UNC13B: variants seen among roughly 807,000 people sequenced by gnomAD.
The protein encoded by UNC13B is protein unc-13 homolog B.
Under a neutral mutation model 211.0 loss-of-function variants are expected in UNC13B, and 144 were observed. The ratio of observed to expected loss-of-function variants is 0.68; its 90% CI spans 0.60 to 0.78. The LOEUF (loss-of-function observed/expected upper bound fraction) is 0.78. Among genes scored for constraint, UNC13B ranks in the 30% least tolerant of loss-of-function variants. The probability of loss-of-function intolerance (pLI) is 0.00; values close to 1 mark genes in which losing one functional copy is unlikely to be tolerated. For synonymous variants in UNC13B, 709 were observed against 725.8 expected, an observed-to-expected ratio of 0.98 and a Z score of 0.37; for missense variants, 1,777 against 2,002.0, an observed-to-expected ratio of 0.89 and a Z score of 2.14.
At chr9:35,220,115 T>C (rs1824491402) in intron 1 of UNC13B, among the ~76,000 whole-genome samples, 1 of 152,032 alleles carries the variant, frequency 6.6e-6, no homozygotes, top group Non-Finnish European at 1.5e-5. Context: ...TATGAATATA[T>C]ATTTTTATTT....
Position 35,355,713 on chromosome 9 carries a change from C to A in UNC13B, c.9415-11234C>A, listed in dbSNP as rs1357660470. ...TATTCTTCAACATATATCACCTCTT[C>A]CAGGAAGCTTTCTGAGGCAGTAATT... is the stretch of plus-strand genomic sequence containing the variant. On this transcript the variant is annotated intron_variant, in intron 11 of 39. Coordinates refer to ENST00000635942, the MANE Select transcript of UNC13B (RefSeq NM_001371189.2). Among the ~76,000 whole-genome samples the A allele has an allele frequency of 2.0e-5, 3 of 152,228 alleles. No homozygotes were observed. The East Asian group carries it at 5.8e-4, about 29-fold the overall frequency.
At chr9:35,169,591 C>T (rs1056214544) in intron 1 of UNC13B, among the ~76,000 whole-genome samples, 1 of 152,168 alleles carries the variant, frequency 6.6e-6, no homozygotes, top group African/African-American at 2.4e-5. Flanking sequence ...CTCCTTTTTG[C>T]TGGGCTTCCA....
rs200386049 is a variant in UNC13B, at chr9:35,231,126, T to A, written c.59T>A (p.Phe20Tyr). ...ATTTTGTATTTTTTCAAAGATAAAT[T>A]TAACACATATGTGACCCTGAAAGTA... ...RAKFQGSPDKFNTYVTLKVQN... is the reference protein window; with the variant it reads ...RAKFQGSPDKYNTYVTLKVQN... The change falls in exon 3 of 40, where the codon TTT becomes TAT. Residue 20 changes from phenylalanine to tyrosine, a missense_variant. Physicochemically the swap from Phe to Tyr is conservative, Grantham distance 22. Transcript: ENST00000635942. 1.3e-3 allele frequency: 2,123 copies of A among 1,609,592 alleles called. 30 individuals carry two copies. In the South Asian group the frequency reaches 0.018, roughly 14 times the overall value.
chr9:35,235,640 C>T (rs900842675), intron 3 of UNC13B, among the ~76,000 whole-genome samples: 4 of 151,956 alleles, frequency 2.6e-5, no homozygotes, highest in Non-Finnish European at 5.9e-5. Flanking sequence ...GGTTTTGCAA[C>T]GTTGGCCAAG....
At chr9:35,290,807 G>T (rs1011307748) in intron 7 of UNC13B, among the ~76,000 whole-genome samples, 8 of 152,082 alleles carry the variant, frequency 5.3e-5, no homozygotes, top group Admixed American at 2.0e-4. Context: ...GTAATTTTTT[G>T]TTGTTGTTGT....
chr9:35,209,886 T>C (rs535232566), intron 1 of UNC13B, among the ~76,000 whole-genome samples: 1 of 152,276 alleles, frequency 6.6e-6, no homozygotes, highest in Non-Finnish European at 1.5e-5. Context: ...ATGTTTCCCT[T>C]CTAGTGGACT....
At chr9:35,401,958 T>A in intron 37 of UNC13B, 1 of 1,550,550 alleles carries the variant, frequency 6.4e-7, no homozygotes, top group Non-Finnish European at 8.7e-7. Context: ...CAGTGCATGA[T>A]GGGAAAGGTA....
intron 18 of UNC13B, 137 bp from the exon 19 acceptor site, chr9:35,380,963 C>A: frequency 1.3e-6 from 1 of 768,906 alleles, no homozygotes; most frequent in Non-Finnish European, 2.1e-6. Flanking sequence ...AGTGATTCAC[C>A]CTATTTGGTG....
At chr9:35,186,080 C>T (rs1822344860) in intron 1 of UNC13B, among the ~76,000 whole-genome samples, 1 of 152,096 alleles carries the variant, frequency 6.6e-6, no homozygotes, top group Admixed American at 6.6e-5. Flanking sequence ...CCTCATCATA[C>T]AGTGTTCCCT....
Position 35,306,871 on chromosome 9 carries a change from A to T in UNC13B, c.7467A>T (p.Pro2489=). ...GACTTTTCTCCTCTCCTAAATCTCC[A>T]AAGAAAAACTCCTTTTTCTCTCTTG... The part of the protein sequence containing the change: ...LSGLFSSPKS[P]KKNSFFSLAS... Residue 2489 remains proline, a synonymous_variant, in exon 9 of 40, where the codon CCA becomes CCT. Coordinates refer to ENST00000635942, the MANE Select transcript of UNC13B (RefSeq NM_001371189.2). 2.5e-6 allele frequency: 1 copy of T among 399,014 alleles called. No individual in the cohort carries two copies. The highest frequency in any genetic ancestry group is 4.4e-6 in the Non-Finnish European group (1 of 226,048). The allele number at this position is 399,014 out of a possible 1,614,324, so 24.7% of individuals were successfully genotyped here. A position where few individuals can be genotyped will look rare whatever the true frequency, so the allele number is the denominator to read the frequency against.
At chr9:35,369,211 A>G (rs1242335528) in intron 12 of UNC13B, among the ~76,000 whole-genome samples, 1 of 152,202 alleles carries the variant, frequency 6.6e-6, no homozygotes, top group African/African-American at 2.4e-5. Context: ...CTAGATAGCT[A>G]CAAGTACCTA....
intron 7 of UNC13B, among the ~76,000 whole-genome samples, chr9:35,281,270 G>A (rs531769841): frequency 1.3e-3 from 199 of 148,728 alleles, no homozygotes; most frequent in African/African-American, 4.7e-3. Context: ...AAAAAAATTA[G>A]CTGGGCATGG....
At chr9:35,358,693 T>A (rs1341891417) in intron 11 of UNC13B, among the ~76,000 whole-genome samples, 2 of 138,628 alleles carry the variant, frequency 1.4e-5, no homozygotes, top group African/African-American at 5.3e-5. Flanking sequence ...GTCTATGATT[T>A]TTTTTTTTTT....
chr9:35,294,047 T>A (rs1021600221), intron 7 of UNC13B, among the ~76,000 whole-genome samples: 5 of 151,174 alleles, frequency 3.3e-5, no homozygotes, highest in Admixed American at 6.6e-5. Flanking sequence ...TCCTTACCTA[T>A]AAAACCCACA....
chr9:35,183,891 C>A (rs1587317696), intron 1 of UNC13B, among the ~76,000 whole-genome samples: 1 of 144,234 alleles, frequency 6.9e-6, no homozygotes, highest in African/African-American at 2.6e-5. Flanking sequence ...GGGGTGGTGG[C>A]CGGGCAGAGA....
At chr9:35,170,752 A>G (rs1486936806) in intron 1 of UNC13B, among the ~76,000 whole-genome samples, 3 of 152,076 alleles carry the variant, frequency 2.0e-5, no homozygotes, top group African/African-American at 7.2e-5. Flanking sequence ...GATTATAGTC[A>G]TGAGCCACTG....
In UNC13B at chr9:35,375,703, A is replaced by G. The variant is rs148058638; in HGVS notation, c.9616-325A>G. ...GCAGAACCCAAAAGTCATGGGGACC[A>G]GGCATGTTGGCTTATGCCTGTAATC... On this transcript the variant is annotated intron_variant, in intron 14 of 39. Transcript: ENST00000635942. Among the ~76,000 whole-genome samples, 1,088 of 152,334 alleles carry G rather than the reference A, an allele frequency of 7.1e-3. 7 individuals carry two copies. Among genetic ancestry groups the G allele is most frequent in the Non-Finnish European group, 9.6e-3 (651 of 68,042 alleles).
intron 11 of UNC13B, chr9:35,351,272 C>A: frequency 1.7e-6 from 2 of 1,162,262 alleles, no homozygotes; most frequent in Non-Finnish European, 2.1e-6. Context: ...GACCTGAGTG[C>A]ACTATTTTCC....
rs17849229 is a variant in UNC13B at position 35,376,150 on chromosome 9, G to A, written c.9738G>A (p.Leu3246=). 405 of 1,614,246 alleles carry A rather than the reference G, an allele frequency of 2.5e-4. 1 individual carries two copies. The East Asian group carries it at 7.0e-3, about 28-fold the overall frequency. The change falls in exon 15 of 40, where the codon CTG becomes CTA. Residue 3246 remains leucine, a synonymous_variant. Coordinates refer to ENST00000635942, the MANE Select transcript of UNC13B (RefSeq NM_001371189.2). ...CCTACTGCTATGAGTGTGAAGGCCT[G>A]CTCTGGGGCATTGCCCGGCAGGGCA... ...TPTYCYECEG[L]LWGIARQGMR...
Sources: allele counts gnomAD v4.1 joint callset (sites outside exome capture counted in the v4.1 genomes callset), GRCh38; gene constraint gnomAD v4.1.1; transcripts MANE v1.5; gene names NCBI Gene and HGNC (gene_info 2026-07-23, HGNC 2026-07-21).